EPHA7: variants seen among roughly 807,000 people sequenced by gnomAD.
EPHA7 encodes the protein EPH receptor A7, also known as ephrin type-A receptor 7.
In EPHA7, 25 loss-of-function variants were observed where a neutral mutation model predicts 112.6. The ratio of observed to expected loss-of-function variants is 0.22; its 90% CI spans 0.16 to 0.31. The LOEUF (loss-of-function observed/expected upper bound fraction) is 0.31, where lower values mean the gene tolerates loss of function less well. EPHA7 is among the 10% of genes least tolerant of loss of function. The probability of loss-of-function intolerance (pLI) is 1.00; values close to 1 mark genes in which losing one functional copy is unlikely to be tolerated. For synonymous variants in EPHA7, 437 were observed against 406.5 expected, an observed-to-expected ratio of 1.07 and a Z score of -0.90; for missense variants, 962 against 1,212.6, an observed-to-expected ratio of 0.79 and a Z score of 3.07.
chr6:93,314,858 C>CTTTTTTTTTTTTTT (rs777231219), intron 5 of EPHA7, among the ~76,000 whole-genome samples: 1 of 101,378 alleles, frequency 9.9e-6, no homozygotes, highest in Non-Finnish European at 2.0e-5. Context: ...ATATAATTTT[C>CTTTTTTTTTTTTTT]TTTTTTTTTT....
At chr6:93,325,083 A>G (rs1774252220) in intron 5 of EPHA7, among the ~76,000 whole-genome samples, 1 of 151,316 alleles carries the variant, frequency 6.6e-6, no homozygotes, top group African/African-American at 2.4e-5. Context: ...GAGTGGGTGT[A>G]CAGACAGAGA....
chr6:93,390,965 C>T (rs925271186), intron 3 of EPHA7, among the ~76,000 whole-genome samples: 1 of 151,868 alleles, frequency 6.6e-6, no homozygotes, highest in Non-Finnish European at 1.5e-5. Context: ...CTCGTTAATG[C>T]CAATATTTTT....
chr6:93,277,806 G>C (rs1771540588), intron 5 of EPHA7, among the ~76,000 whole-genome samples: 1 of 151,704 alleles, frequency 6.6e-6, no homozygotes, highest in South Asian at 2.1e-4. Flanking sequence ...TCAAGAAACA[G>C]TTACTAAAAA....
At position 93,269,591 on chromosome 6, in the gene EPHA7, G is replaced by T; in HGVS notation, c.1519C>A (p.Pro507Thr). The change falls in exon 7 of 17, where the codon CCA (proline) becomes ACA (threonine). Residue 507 changes from proline (P) to threonine (T), a missense_variant. By Grantham distance (38) the Pro-to-Thr change is conservative (BLOSUM62 -1). Coordinates refer to ENST00000369303, the MANE Select transcript of EPHA7 (RefSeq NM_004440.4). ...ATCTGGAAAACATACACTGTTCCTGGTTTCAGATTATTAATGGAGGCTGAA... is the reference window on the plus strand; with the variant it reads ...ATCTGGAAAACATACACTGTTCCTGTTTTCAGATTATTAATGGAGGCTGAA... ...STSASINNLK[P>T]GTVYVFQIRA... is the part of the protein sequence containing the mutation. 6.2e-7 allele frequency: 1 copy of T among 1,603,192 alleles called. No individual in the cohort carries two copies. The highest frequency in any genetic ancestry group is 8.5e-7 in the Non-Finnish European group (1 of 1,174,764).
intron 5 of EPHA7, among the ~76,000 whole-genome samples, chr6:93,319,225 C>T (rs555179898): frequency 6.6e-6 from 1 of 152,028 alleles, no homozygotes. Context: ...GTTAGGGGGT[C>T]AAAAATGTTA....
intron 5 of EPHA7, among the ~76,000 whole-genome samples, chr6:93,301,020 C>G (rs867614906): frequency 6.6e-6 from 1 of 152,080 alleles, no homozygotes; most frequent in African/African-American, 2.4e-5. Flanking sequence ...TATGTAAACA[C>G]AGAAAAGGCA....
chr6:93,418,610 G>T (rs1779364779), intron 1 of EPHA7, among the ~76,000 whole-genome samples: 1 of 152,220 alleles, frequency 6.6e-6, no homozygotes, highest in South Asian at 2.1e-4. Flanking sequence ...CGGCCCTCGG[G>T]TCGCGCGCCG....
intron 3 of EPHA7, among the ~76,000 whole-genome samples, chr6:93,397,294 T>C (rs1471728635): frequency 1.3e-5 from 2 of 151,862 alleles, no homozygotes; most frequent in African/African-American, 2.4e-5. Context: ...ATTTCAAATA[T>C]GTATATGAAA....
chr6:93,315,881 T>C (rs1030347109), intron 5 of EPHA7, among the ~76,000 whole-genome samples: 1 of 152,170 alleles, frequency 6.6e-6, no homozygotes, highest in Non-Finnish European at 1.5e-5. Flanking sequence ...ACAGTTTATG[T>C]TCTATTTTAA....
At chr6:93,336,930 C>T (rs1042026973) in intron 5 of EPHA7, among the ~76,000 whole-genome samples, 1 of 150,922 alleles carries the variant, frequency 6.6e-6, no homozygotes, top group African/African-American at 2.4e-5. Flanking sequence ...CTTTTATCAG[C>T]CAACCTATTC....
intron 5 of EPHA7, among the ~76,000 whole-genome samples, chr6:93,355,331 T>A (rs1775892443): frequency 6.6e-6 from 1 of 152,122 alleles, no homozygotes; most frequent in African/African-American, 2.4e-5. Context: ...ACTAATTTGT[T>A]AAAAAATGGT....
intron 5 of EPHA7, among the ~76,000 whole-genome samples, chr6:93,336,677 A>C (rs1217018279): frequency 6.6e-6 from 1 of 152,036 alleles, no homozygotes; most frequent in African/African-American, 2.4e-5. Context: ...CTGGGATTAC[A>C]GTCATGAGCC....
chr6:93,297,508 C>A (rs1772732677), intron 5 of EPHA7, among the ~76,000 whole-genome samples: 1 of 152,086 alleles, frequency 6.6e-6, no homozygotes, highest in Non-Finnish European at 1.5e-5. Flanking sequence ...TTAAAAACTC[C>A]TTTTCTTTGA....
chr6:93,310,547 C>T (rs144520329), intron 5 of EPHA7, among the ~76,000 whole-genome samples: 1 of 152,060 alleles, frequency 6.6e-6, no homozygotes, highest in Admixed American at 6.5e-5. Context: ...CGCCTGTAAT[C>T]CCAGCTACTT....
At chr6:93,345,891 G>C (rs1456335789) in intron 5 of EPHA7, among the ~76,000 whole-genome samples, 1 of 151,516 alleles carries the variant, frequency 6.6e-6, no homozygotes, top group Non-Finnish European at 1.5e-5. Flanking sequence ...CAGATTGCTT[G>C]TCTGGATCAA....
At chr6:93,305,407 C>CT (rs964638035) in intron 5 of EPHA7, among the ~76,000 whole-genome samples, 2 of 151,706 alleles carry the variant, frequency 1.3e-5, no homozygotes, top group African/African-American at 4.8e-5. Context: ...TTATGAATCC[C>CT]TATAGGGGTT....
chr6:93,405,850 T>TATAA (rs1469158388), intron 3 of EPHA7, among the ~76,000 whole-genome samples: 13 of 121,346 alleles, frequency 1.1e-4, no homozygotes, highest in Admixed American at 3.4e-4. Context: ...TATATATATA[T>TATAA]AAATGATTAT....
chr6:93,380,580 T>A (rs1024432867), intron 3 of EPHA7, among the ~76,000 whole-genome samples: 2 of 152,088 alleles, frequency 1.3e-5, no homozygotes, highest in East Asian at 3.9e-4. Flanking sequence ...AGTCTGAAAT[T>A]AGAGCTGCTA....
chr6:93,373,352 A>G (rs1776895624), intron 3 of EPHA7, among the ~76,000 whole-genome samples: 1 of 152,074 alleles, frequency 6.6e-6, no homozygotes, highest in Non-Finnish European at 1.5e-5. Context: ...TAATTGTTCA[A>G]TAACTTGGTC....
Sources: allele counts gnomAD v4.1 joint callset (sites outside exome capture counted in the v4.1 genomes callset), GRCh38; gene constraint gnomAD v4.1.1; transcripts MANE v1.5; gene names NCBI Gene and HGNC (gene_info 2026-07-23, HGNC 2026-07-21).